The following SYCP2L variants were observed in gnomAD, a reference collection of about 807,000 sequenced individuals.
SYCP2L encodes synaptonemal complex protein 2 like.
A neutral mutation model predicts 125.8 loss-of-function variants in SYCP2L; 98 were observed. The observed-to-expected ratio is 0.78, with a 90% CI of 0.66 to 0.92. The LOEUF (loss-of-function observed/expected upper bound fraction) is 0.92, where lower values mean the gene tolerates loss of function less well. SYCP2L is among the 40% of genes least tolerant of loss of function. SYCP2L has a pLI of 0.00. For synonymous variants in SYCP2L, 317 were observed against 325.4 expected (o/e 0.97, Z 0.28); for missense variants, 842 against 936.4 (o/e 0.90, Z 1.32).
At chr6:10,951,496 A>T (rs769952935) in intron 23 of SYCP2L, among the ~76,000 whole-genome samples, 9 of 152,224 alleles carry the variant, frequency 5.9e-5, no homozygotes, top group Non-Finnish European at 1.0e-4. Context: ...AAGCATTTAT[A>T]TGTAGTCACA....
chr6:10,887,836 G>A (rs1581811331), intron 1 of SYCP2L, among the ~76,000 whole-genome samples: 1 of 152,136 alleles, frequency 6.6e-6, no homozygotes, highest in African/African-American at 2.4e-5. Context: ...GTCATCTGGC[G>A]CCATCTTCCC....
intron 14 of SYCP2L, among the ~76,000 whole-genome samples, chr6:10,923,683 C>CTTTT (rs372980518): frequency 4.9e-5 from 6 of 122,364 alleles, no homozygotes; most frequent in Non-Finnish European, 9.7e-5. Context: ...TTTTCTTTTT[C>CTTTT]TTTTTTTTTT....
chr6:10,967,383 A>G (rs536091787), intron 29 of SYCP2L, among the ~76,000 whole-genome samples: 28 of 152,212 alleles, frequency 1.8e-4, no homozygotes, highest in Admixed American at 1.2e-3. Context: ...TCTCAAATGA[A>G]CATAAATACA....
chr6:10,899,835 A>AT (rs1177799838), intron 6 of SYCP2L, among the ~76,000 whole-genome samples: 2 of 152,274 alleles, frequency 1.3e-5, no homozygotes, highest in Non-Finnish European at 1.5e-5. Flanking sequence ...GGTTCCAAAC[A>AT]TTTTCAAGTC....
At chr6:10,972,421 G>A (rs1347769518) in intron 29 of SYCP2L, among the ~76,000 whole-genome samples, 1 of 152,222 alleles carries the variant, frequency 6.6e-6, no homozygotes, top group Non-Finnish European at 1.5e-5. Context: ...TTGGACTCTG[G>A]CGGCTAAACC....
intron 4 of SYCP2L, among the ~76,000 whole-genome samples, chr6:10,896,568 A>T (rs1207713978): frequency 2.0e-5 from 3 of 152,210 alleles, no homozygotes; most frequent in Admixed American, 1.3e-4. Flanking sequence ...TCTGCTGCGT[A>T]GAGGGACATT....
chr6:10,970,028 C>T (rs921687620), intron 29 of SYCP2L, among the ~76,000 whole-genome samples: 2 of 152,104 alleles, frequency 1.3e-5, no homozygotes, highest in African/African-American at 4.8e-5. Flanking sequence ...TCATGGTGTA[C>T]ATTCTATAGG....
At chr6:10,925,210 C>G (rs1323611215) in intron 15 of SYCP2L, among the ~76,000 whole-genome samples, 2 of 152,152 alleles carry the variant, frequency 1.3e-5, no homozygotes, top group African/African-American at 4.8e-5. Flanking sequence ...TCTTGTGAGA[C>G]TTACTGTCAG....
At chr6:10,958,361 G>A (rs970567339) in intron 25 of SYCP2L, among the ~76,000 whole-genome samples, 3 of 152,148 alleles carry the variant, frequency 2.0e-5, no homozygotes, top group African/African-American at 7.2e-5. Flanking sequence ...CACATAGGGA[G>A]AGCAGGAGCA....
At chr6:10,919,393 G>A (rs1215207054) in intron 14 of SYCP2L, among the ~76,000 whole-genome samples, 1 of 148,082 alleles carries the variant, frequency 6.8e-6, no homozygotes, top group Non-Finnish European at 1.5e-5. Context: ...GGCTGGTACT[G>A]GGGGTTGTCT....
At chr6:10,911,805 AG>A (rs1356606432) in intron 12 of SYCP2L, among the ~76,000 whole-genome samples, 10 of 151,934 alleles carry the variant, frequency 6.6e-5, no homozygotes, top group African/African-American at 1.4e-4. Flanking sequence ...TATGATACAA[AG>A]GAAAGATGTC....
At chr6:10,887,397 A>G (rs1780092718) in intron 1 of SYCP2L, among the ~76,000 whole-genome samples, 3 of 152,302 alleles carry the variant, frequency 2.0e-5, no homozygotes, top group Non-Finnish European at 4.4e-5. Flanking sequence ...TCGGAAAGCA[A>G]TGAGATAGTT....
chr6:10,895,884 G>A (rs576203191), intron 4 of SYCP2L, among the ~76,000 whole-genome samples: 2 of 152,242 alleles, frequency 1.3e-5, no homozygotes, highest in East Asian at 1.9e-4. Context: ...CTGGCACGGC[G>A]GCTCACGCCT....
chr6:10,899,086 G>C (rs1162870446), intron 6 of SYCP2L, among the ~76,000 whole-genome samples: 1 of 152,192 alleles, frequency 6.6e-6, no homozygotes, highest in Admixed American at 6.5e-5. Flanking sequence ...GGCTAGCTCT[G>C]TTCAGGTAAT....
At chr6:10,941,211 C>T (rs1243395681) in intron 21 of SYCP2L, among the ~76,000 whole-genome samples, 1 of 152,106 alleles carries the variant, frequency 6.6e-6, no homozygotes, top group Non-Finnish European at 1.5e-5. Flanking sequence ...AGAAGAAAAC[C>T]TCAGCAATAC....
At chr6:10,909,721 A>T (rs4711128) in intron 10 of SYCP2L, among the ~76,000 whole-genome samples, 3 of 152,040 alleles carry the variant, frequency 2.0e-5, no homozygotes, top group South Asian at 2.1e-4. Context: ...TAATACACCC[A>T]GATCACAGTT....
chr6:10,919,296 C>T (rs1185093091), intron 14 of SYCP2L, among the ~76,000 whole-genome samples: 1 of 152,124 alleles, frequency 6.6e-6, no homozygotes, highest in Non-Finnish European at 1.5e-5. Flanking sequence ...CCCTCTTTTC[C>T]TATGGTTGTG....
intron 14 of SYCP2L, among the ~76,000 whole-genome samples, chr6:10,916,727 C>T (rs1469106139): frequency 1.3e-5 from 2 of 152,196 alleles, no homozygotes; most frequent in Admixed American, 6.5e-5. Flanking sequence ...TGGTGGCTCA[C>T]GCCTGTAATC....
intron 20 of SYCP2L, among the ~76,000 whole-genome samples, chr6:10,933,714 G>A (rs951592026): frequency 1.3e-5 from 2 of 152,044 alleles, no homozygotes; most frequent in African/African-American, 2.4e-5. Flanking sequence ...AAGCTCAATA[G>A]CATTTATACC....
Sources: gnomAD v4.1 joint callset for allele counts (sites outside exome capture counted in the v4.1 genomes callset) on GRCh38, gnomAD v4.1.1 for gene constraint, MANE v1.5 for transcripts, NCBI Gene and HGNC (gene_info 2026-07-23, HGNC 2026-07-21) for gene names.